GOLGA4: variants seen among roughly 807,000 people sequenced by gnomAD.
GOLGA4 encodes golgin A4.
Under a neutral mutation model 265.9 loss-of-function variants are expected in GOLGA4, and 169 were observed. That is an observed-to-expected ratio of 0.64 (90% confidence interval 0.56 to 0.72). The LOEUF (loss-of-function observed/expected upper bound fraction) is 0.72, where lower values mean the gene tolerates loss of function less well. Among genes scored for constraint, GOLGA4 ranks in the 30% least tolerant of loss-of-function variants. The pLI, the probability that GOLGA4 is intolerant of heterozygous loss-of-function variation, is 0.00. For synonymous variants in GOLGA4, 923 were observed against 855.8 expected (o/e 1.08, Z -1.37); for missense variants, 2,482 against 2,483.4 (o/e 1.00, Z 0.01).
intron 9 of GOLGA4, among the ~76,000 whole-genome samples, chr3:37,301,343 A>G (rs2096892082): frequency 6.6e-6 from 1 of 152,232 alleles, no homozygotes. Flanking sequence ...TTACAAAGTA[A>G]GGAATAGTGG....
At position 37,314,668 on chromosome 3, in the gene GOLGA4, C is replaced by T. The variant is rs1292371853; in HGVS notation, c.1235-752C>T. Among the ~76,000 whole-genome samples, 3 of 151,592 alleles carry T rather than the reference C, an allele frequency of 2.0e-5. No homozygotes were observed. The East Asian group carries it at 5.8e-4, about 29-fold the overall frequency. On this transcript the variant is annotated intron_variant, in intron 10 of 23. Coordinates refer to ENST00000361924, the MANE Select transcript of GOLGA4 (RefSeq NM_002078.5). ...ACACACACACACACACACACACACA[C>T]ACACACACACACACGAAAAAAACCT...
intron 17 of GOLGA4, among the ~76,000 whole-genome samples, chr3:37,335,529 T>C (rs1250849854): frequency 6.6e-6 from 1 of 152,212 alleles, no homozygotes; most frequent in East Asian, 1.9e-4. Flanking sequence ...GTGATACTTT[T>C]AGATTTTTGG....
intron 17 of GOLGA4, among the ~76,000 whole-genome samples, chr3:37,335,945 C>T (rs1044654342): frequency 6.6e-6 from 1 of 152,116 alleles, no homozygotes; most frequent in African/African-American, 2.4e-5. Flanking sequence ...TTTCATAGCC[C>T]AGTCATGGGG....
intron 21 of GOLGA4, among the ~76,000 whole-genome samples, chr3:37,353,899 T>C (rs2097082676): frequency 6.6e-6 from 1 of 151,962 alleles, no homozygotes; most frequent in Admixed American, 6.6e-5. Flanking sequence ...GACTGAACTT[T>C]TTTTACTACC....
At chr3:37,320,298 A>C (rs1375397465) in intron 12 of GOLGA4, 2 of 152,192 alleles carry the variant, frequency 1.3e-5, no homozygotes, top group Non-Finnish European at 1.5e-5. Context: ...TTGTTTTTGT[A>C]TGAAATTATT....
chr3:37,342,764 G>A (rs1399342289), intron 20 of GOLGA4, among the ~76,000 whole-genome samples: 4 of 152,156 alleles, frequency 2.6e-5, no homozygotes, highest in African/African-American at 9.7e-5. Flanking sequence ...CTAAGTCATA[G>A]GATATGAATA....
At chr3:37,248,292 A>G (rs977278956) in intron 1 of GOLGA4, among the ~76,000 whole-genome samples, 1 of 152,184 alleles carries the variant, frequency 6.6e-6, no homozygotes, top group Non-Finnish European at 1.5e-5. Flanking sequence ...TTTTTCTTAC[A>G]CTGAAATTGA....
intron 21 of GOLGA4, among the ~76,000 whole-genome samples, chr3:37,349,794 G>A (rs2097068057): frequency 6.6e-6 from 1 of 152,168 alleles, no homozygotes; most frequent in African/African-American, 2.4e-5. Context: ...ATTACCATCT[G>A]CAGTTGTTTC....
At chr3:37,244,992 A>T (rs190545454) in intron 1 of GOLGA4, among the ~76,000 whole-genome samples, 2 of 152,336 alleles carry the variant, frequency 1.3e-5, no homozygotes, top group East Asian at 3.9e-4. Flanking sequence ...ATAAAATGTA[A>T]TTGAGCCAGG....
intron 10 of GOLGA4, among the ~76,000 whole-genome samples, chr3:37,306,123 C>T (rs944935479): frequency 2.0e-5 from 3 of 151,970 alleles, no homozygotes; most frequent in East Asian, 1.9e-4. Flanking sequence ...AGTGGTGTAC[C>T]GATTTCAGGA....
At chr3:37,306,305 A>C (rs2096905865) in intron 10 of GOLGA4, among the ~76,000 whole-genome samples, 1 of 152,204 alleles carries the variant, frequency 6.6e-6, no homozygotes, top group Non-Finnish European at 1.5e-5. Flanking sequence ...AATTGTTGAT[A>C]GTGTTTCTTT....
intron 2 of GOLGA4, among the ~76,000 whole-genome samples, chr3:37,263,483 A>G (rs528725041): frequency 1.3e-5 from 2 of 152,284 alleles, no homozygotes; most frequent in South Asian, 2.1e-4. Flanking sequence ...ACACCCCTCC[A>G]TGATGTTCAC....
intron 3 of GOLGA4, among the ~76,000 whole-genome samples, chr3:37,283,541 C>T (rs1281678630): frequency 6.6e-6 from 1 of 152,094 alleles, no homozygotes; most frequent in Non-Finnish European, 1.5e-5. Context: ...GTTTTTGAGA[C>T]AGGGTCTCAC....
chr3:37,248,374 C>G (rs1359408871), intron 1 of GOLGA4, among the ~76,000 whole-genome samples: 2 of 152,240 alleles, frequency 1.3e-5, no homozygotes, highest in Non-Finnish European at 1.5e-5. Flanking sequence ...ATGTAGCTGT[C>G]AGGTTTTTTG....
intron 19 of GOLGA4, 84 bp downstream of exon 19, chr3:37,337,818 G>A (rs1023525346): frequency 1.1e-5 from 10 of 900,014 alleles, no homozygotes; most frequent in African/African-American, 5.0e-5. Flanking sequence ...TAAATAGTTG[G>A]CTTTGAAATT....
intron 2 of GOLGA4, among the ~76,000 whole-genome samples, chr3:37,267,498 C>T (rs902634997): frequency 5.3e-5 from 8 of 152,050 alleles, no homozygotes; most frequent in Non-Finnish European, 8.8e-5. Flanking sequence ...TGGCGTCATA[C>T]GGTTTTGAAT....
At chr3:37,305,261 T>C (rs1368588387) in intron 10 of GOLGA4, among the ~76,000 whole-genome samples, 2 of 152,218 alleles carry the variant, frequency 1.3e-5, no homozygotes, top group Non-Finnish European at 2.9e-5. Flanking sequence ...GGAAAGTCTT[T>C]AGATAACAAA....
Position 37,251,503 on chromosome 3 carries a change from T to C in GOLGA4, c.162+19T>C. 1 of 1,422,710 alleles carries C rather than the reference T, an allele frequency of 7.0e-7. No homozygotes were observed. Among genetic ancestry groups the C allele is most frequent in the African/African-American group, 1.4e-5 (1 of 71,346 alleles). The allele number at this position is 1,422,710 out of a possible 1,614,324, so 88.1% of individuals were successfully genotyped here. On this transcript the variant is annotated intron_variant, in intron 2 of 23. Coordinates refer to ENST00000361924, the MANE Select transcript of GOLGA4 (RefSeq NM_002078.5). ...TAGAGAGGTAAGTTTGGAATTCCTT[T>C]TCTAGTATACCTCTCAAAAGAAACT...
chr3:37,274,390 A>G (rs993407991), intron 2 of GOLGA4, among the ~76,000 whole-genome samples: 15 of 152,084 alleles, frequency 9.9e-5, no homozygotes, highest in Admixed American at 2.0e-4. Context: ...AAGGAAGAAA[A>G]AAAAATCATT....
Sources: allele counts gnomAD v4.1 joint callset (sites outside exome capture counted in the v4.1 genomes callset), GRCh38; gene constraint gnomAD v4.1.1; transcripts MANE v1.5; gene names NCBI Gene and HGNC (gene_info 2026-07-23, HGNC 2026-07-21).